The following CTNNA2 variants were observed in gnomAD, a reference collection of about 807,000 sequenced individuals.
CTNNA2 encodes the protein catenin alpha-2.
CTNNA2 carries 42 observed loss-of-function variants against 101.0 expected under a neutral mutation model. That is an observed-to-expected ratio of 0.42 (90% confidence interval 0.32 to 0.54). The LOEUF (loss-of-function observed/expected upper bound fraction) is 0.54, where lower values mean the gene tolerates loss of function less well. CTNNA2 is among the 20% of genes least tolerant of loss of function. The probability of loss-of-function intolerance (pLI) is 0.14; values close to 1 mark genes in which losing one functional copy is unlikely to be tolerated. For synonymous variants in CTNNA2, 450 were observed against 456.4 expected, an observed-to-expected ratio of 0.99 and a Z score of 0.18; for missense variants, 871 against 1,223.1, an observed-to-expected ratio of 0.71 and a Z score of 4.29.
chr2:79,805,072 G>A (rs941995538), intron 3 of CTNNA2, among the ~76,000 whole-genome samples: 1 of 152,072 alleles, frequency 6.6e-6, no homozygotes, highest in Non-Finnish European at 1.5e-5. Context: ...ATGCTTTTAT[G>A]GTATACCTTA....
intron 7 of CTNNA2, among the ~76,000 whole-genome samples, chr2:79,929,688 T>C (rs1304855794): frequency 1.3e-5 from 2 of 152,322 alleles, no homozygotes; most frequent in African/African-American, 4.8e-5. Flanking sequence ...AAATTCTTCA[T>C]TCCTTGTATT....
chr2:79,456,147 T>A (rs1670817909), intron 4 of CTNNA2, among the ~76,000 whole-genome samples: 1 of 150,826 alleles, frequency 6.6e-6, no homozygotes, highest in African/African-American at 2.4e-5. Flanking sequence ...AATTATAATT[T>A]AAATTATTTA....
At chr2:79,350,237 C>T (rs1677357679) in intron 3 of CTNNA2, among the ~76,000 whole-genome samples, 2 of 152,008 alleles carry the variant, frequency 1.3e-5, no homozygotes, top group Non-Finnish European at 1.5e-5. Context: ...TCTCCCAAAT[C>T]GTGACAATTT....
At chr2:79,490,001 G>T (rs949467189) in intron 4 of CTNNA2, among the ~76,000 whole-genome samples, 1 of 152,092 alleles carries the variant, frequency 6.6e-6, no homozygotes, top group African/African-American at 2.4e-5. Context: ...TCTGCTGTTT[G>T]CTTGCTTAAT....
At chr2:79,989,407 G>A (rs1398281660) in intron 7 of CTNNA2, among the ~76,000 whole-genome samples, 1 of 152,122 alleles carries the variant, frequency 6.6e-6, no homozygotes, top group Non-Finnish European at 1.5e-5. Flanking sequence ...TGGATCACTT[G>A]AGCCTAGAAG....
intron 7 of CTNNA2, among the ~76,000 whole-genome samples, chr2:79,931,977 A>G (rs145188236): frequency 6.6e-6 from 1 of 152,324 alleles, no homozygotes; most frequent in East Asian, 1.9e-4. Flanking sequence ...TATGGAAGGT[A>G]CTGTTTAAAA....
intron 13 of CTNNA2, among the ~76,000 whole-genome samples, chr2:80,579,987 G>GCT (rs1695386982): frequency 6.6e-6 from 1 of 152,206 alleles, no homozygotes; most frequent in Non-Finnish European, 1.5e-5. Context: ...GCAGTCTGTG[G>GCT]AAGACCATCA....
chr2:80,159,443 C>T (rs7594474), intron 7 of CTNNA2, among the ~76,000 whole-genome samples: 19,191 of 152,196 alleles, frequency 0.13, 3,007 homozygotes, highest in African/African-American at 0.37. Flanking sequence ...ATTAGCCATT[C>T]TGATAGGTAT....
chr2:80,421,746 T>G (rs997894796), intron 9 of CTNNA2, among the ~76,000 whole-genome samples: 2 of 148,544 alleles, frequency 1.3e-5, no homozygotes, highest in Non-Finnish European at 3.0e-5. Context: ...GGCTAGTGTG[T>G]GGTCTGGCCT....
intron 6 of CTNNA2, among the ~76,000 whole-genome samples, chr2:79,891,181 G>A (rs1558617245): frequency 6.6e-6 from 1 of 151,918 alleles, no homozygotes; most frequent in Non-Finnish European, 1.5e-5. Flanking sequence ...GGGCCCAAAT[G>A]AATTTATAGT....
rs141762787 is a variant in CTNNA2, at chr2:79,794,134, TA to T, written c.298+49559del. Among the ~76,000 whole-genome samples, 1,996 of 149,756 alleles carry T rather than the reference TA, an allele frequency of 0.013. 107 individuals carry two copies. The East Asian group carries it at 0.16, about 12-fold the overall frequency. On this transcript the variant is annotated intron_variant, in intron 3 of 18. Coordinates refer to ENST00000402739, the MANE Select transcript of CTNNA2 (RefSeq NM_001282597.3). ...CCTGTTCCCCAAAAACCTGTGGAAA[TA>T]AAAAAATAAAAAATAAAAAAAGAAG...
intron 7 of CTNNA2, among the ~76,000 whole-genome samples, chr2:80,278,750 A>C (rs796472556): frequency 5.3e-5 from 8 of 152,164 alleles, no homozygotes; most frequent in African/African-American, 1.9e-4. Flanking sequence ...TAGTATTTTA[A>C]AGGTGCTAGT....
intron 2 of CTNNA2, among the ~76,000 whole-genome samples, chr2:79,739,071 G>GTTT (rs76673709): frequency 5.2e-5 from 7 of 133,754 alleles, no homozygotes; most frequent in African/African-American, 1.4e-4. Context: ...GGACTTTGCT[G>GTTT]TTTTTTTTTT....
intron 1 of CTNNA2, among the ~76,000 whole-genome samples, chr2:79,613,654 T>C (rs957279226): frequency 1.8e-4 from 27 of 152,126 alleles, no homozygotes; most frequent in Non-Finnish European, 2.9e-5. Flanking sequence ...AAGGATGTAC[T>C]AAGTATCATA....
intron 2 of CTNNA2, among the ~76,000 whole-genome samples, chr2:79,208,675 G>C (rs1324363745): frequency 6.6e-6 from 1 of 152,080 alleles, no homozygotes; most frequent in South Asian, 2.1e-4. Context: ...CTTCTTTCAG[G>C]CTTTTTGTGT....
At chr2:80,055,868 A>C (rs2104354047) in intron 7 of CTNNA2, among the ~76,000 whole-genome samples, 1 of 152,238 alleles carries the variant, frequency 6.6e-6, no homozygotes, top group Non-Finnish European at 1.5e-5. Flanking sequence ...AACTGGCCAA[A>C]CCCAGGATAC....
chr2:80,432,898 G>T (rs1681671799), intron 9 of CTNNA2, among the ~76,000 whole-genome samples: 1 of 152,088 alleles, frequency 6.6e-6, no homozygotes, highest in Admixed American at 6.5e-5. Context: ...TTTAAAAATG[G>T]ATTTCAGGCT....
intron 1 of CTNNA2, among the ~76,000 whole-genome samples, chr2:79,190,693 G>A (rs1162939146): frequency 4.6e-5 from 7 of 152,072 alleles, no homozygotes; most frequent in Non-Finnish European, 2.9e-5. Context: ...ATGGCTTGAC[G>A]GGGCACCAGT....
At chr2:79,670,254 G>A (rs1682738588) in intron 2 of CTNNA2, among the ~76,000 whole-genome samples, 1 of 152,202 alleles carries the variant, frequency 6.6e-6, no homozygotes, top group Non-Finnish European at 1.5e-5. Context: ...TCCAGCAGCT[G>A]CGGCTGCACA....
Sources: allele counts gnomAD v4.1 joint callset (sites outside exome capture counted in the v4.1 genomes callset), GRCh38; gene constraint gnomAD v4.1.1; transcripts MANE v1.5; gene names NCBI Gene and HGNC (gene_info 2026-07-23, HGNC 2026-07-21).